GRM7: variants seen among roughly 807,000 people sequenced by gnomAD.
GRM7 encodes metabotropic glutamate receptor 7.
Under a neutral mutation model 84.5 loss-of-function variants are expected in GRM7, and 35 were observed. The ratio of observed to expected loss-of-function variants is 0.41; its 90% CI spans 0.32 to 0.55. The LOEUF (loss-of-function observed/expected upper bound fraction) is 0.55. Among genes scored for constraint, GRM7 ranks in the 20% least tolerant of loss-of-function variants. The pLI, the probability that GRM7 is intolerant of heterozygous loss-of-function variation, is 0.19. For missense variants in GRM7, 1,003 were observed against 1,194.6 expected, an observed-to-expected ratio of 0.84 and a Z score of 2.36; for synonymous variants, 487 against 455.1, an observed-to-expected ratio of 1.07 and a Z score of -0.89.
At chr3:7,403,622 G>GATAGATATAT (rs1288063097) in intron 4 of GRM7, among the ~76,000 whole-genome samples, 1 of 126,952 alleles carries the variant, frequency 7.9e-6, no homozygotes, top group Non-Finnish European at 1.7e-5. Context: ...GAGTAATTCT[G>GATAGATATAT]ATATATATAT....
chr3:7,620,334 CAAATA>C (rs1453209949), intron 8 of GRM7, among the ~76,000 whole-genome samples: 1 of 151,996 alleles, frequency 6.6e-6, no homozygotes, highest in African/African-American at 2.4e-5. Flanking sequence ...TTTTATCTGG[CAAATA>C]AAATAAGAAT....
intron 1 of GRM7, among the ~76,000 whole-genome samples, chr3:6,942,974 G>T (rs544183838): frequency 1.7e-4 from 26 of 152,084 alleles, no homozygotes; most frequent in African/African-American, 5.8e-4. Flanking sequence ...GGTGATGAAT[G>T]ATTTTTATTA....
At chr3:7,308,003 G>T (rs768339282) in intron 4 of GRM7, among the ~76,000 whole-genome samples, 2 of 152,154 alleles carry the variant, frequency 1.3e-5, no homozygotes, top group Non-Finnish European at 2.9e-5. Flanking sequence ...GGTTGGGGAA[G>T]ATATCGTTGG....
intron 8 of GRM7, among the ~76,000 whole-genome samples, chr3:7,640,562 T>A (rs954620160): frequency 4.6e-5 from 7 of 152,218 alleles, no homozygotes; most frequent in African/African-American, 1.7e-4. Context: ...ATTTAAAATC[T>A]GAATGATGCC....
chr3:7,175,193 T>G lies in GRM7; in HGVS notation c.736+28525T>G, dbSNP rs147450584. Among the ~76,000 whole-genome samples, 87 of 152,322 alleles carry G rather than the reference T, an allele frequency of 5.7e-4. 1 individual carries two copies. The East Asian group carries it at 0.014, about 24-fold the overall frequency. On this transcript the variant is annotated intron_variant, in intron 2 of 9. Coordinates refer to ENST00000357716, the MANE Select transcript of GRM7 (RefSeq NM_000844.4). The stretch of plus-strand genomic sequence containing the variant: ...AAGACTTGAATGGAAATGATAACTT[T>G]CCTACATTCTGCTAGAGACAGCTCT...
chr3:6,922,830 C>T (rs1697169827), intron 1 of GRM7, among the ~76,000 whole-genome samples: 1 of 152,062 alleles, frequency 6.6e-6, no homozygotes, highest in South Asian at 2.1e-4. Context: ...ATTTTGACTG[C>T]CATTGGAATG....
At chr3:7,712,740 C>T (rs2125166642) in intron 9 of GRM7, among the ~76,000 whole-genome samples, 1 of 152,152 alleles carries the variant, frequency 6.6e-6, no homozygotes, top group East Asian at 1.9e-4. Context: ...ATGTTACTTT[C>T]CCTGTGTTAC....
At chr3:7,270,170 T>C (rs1698800435) in intron 2 of GRM7, among the ~76,000 whole-genome samples, 1 of 152,222 alleles carries the variant, frequency 6.6e-6, no homozygotes, top group Admixed American at 6.5e-5. Flanking sequence ...ATGCTTTAAA[T>C]CTTAGCATGT....
At chr3:7,739,176 AAAG>A (rs1277544781) in intron 9 of GRM7, among the ~76,000 whole-genome samples, 1 of 152,236 alleles carries the variant, frequency 6.6e-6, no homozygotes. Context: ...TTAATCCAGA[AAAG>A]AAGACCAGGC....
chr3:7,022,955 T>G (rs1695834643), intron 1 of GRM7, among the ~76,000 whole-genome samples: 2 of 152,162 alleles, frequency 1.3e-5, no homozygotes, highest in South Asian at 4.1e-4. Context: ...AGGAAGCTTA[T>G]ATACCCTTTT....
intron 8 of GRM7, among the ~76,000 whole-genome samples, chr3:7,677,563 T>C (rs1354676059): frequency 6.6e-6 from 1 of 152,158 alleles, no homozygotes; most frequent in Non-Finnish European, 1.5e-5. Flanking sequence ...GTAGAAAAAA[T>C]ATGATTAGTG....
chr3:6,883,167 T>G (rs1361799510), intron 1 of GRM7, among the ~76,000 whole-genome samples: 3 of 152,182 alleles, frequency 2.0e-5, no homozygotes, highest in Non-Finnish European at 4.4e-5. Flanking sequence ...AATTGTGAGA[T>G]TAAACTTATT....
chr3:7,696,871 T>A (rs1701039575), intron 9 of GRM7, among the ~76,000 whole-genome samples: 2 of 152,134 alleles, frequency 1.3e-5, no homozygotes, highest in Non-Finnish European at 2.9e-5. Flanking sequence ...TGCTGTCAAT[T>A]TATATATTGG....
At chr3:7,148,620 T>C (rs537584012) in intron 2 of GRM7, among the ~76,000 whole-genome samples, 1 of 152,326 alleles carries the variant, frequency 6.6e-6, no homozygotes, top group Non-Finnish European at 1.5e-5. Context: ...CATGGTTGTT[T>C]ATTCCTGGTG....
At chr3:7,179,721 A>G (rs766207708) in intron 2 of GRM7, among the ~76,000 whole-genome samples, 2 of 152,212 alleles carry the variant, frequency 1.3e-5, no homozygotes, top group Non-Finnish European at 2.9e-5. Context: ...TATATATAGC[A>G]TTGAGTAAGA....
At chr3:7,175,221 G>T (rs1482848719) in intron 2 of GRM7, among the ~76,000 whole-genome samples, 1 of 152,210 alleles carries the variant, frequency 6.6e-6, no homozygotes, top group Non-Finnish European at 1.5e-5. Flanking sequence ...ACAGCTCTCT[G>T]CAATGCAGCC....
intron 8 of GRM7, among the ~76,000 whole-genome samples, chr3:7,659,600 A>G (rs186351526): frequency 6.6e-6 from 1 of 152,346 alleles, no homozygotes; most frequent in Non-Finnish European, 1.5e-5. Context: ...ATCTGTTCAC[A>G]GGTAGCACAC....
At chr3:7,238,861 TTTCTC>T (rs1377896012) in intron 2 of GRM7, among the ~76,000 whole-genome samples, 6 of 150,616 alleles carry the variant, frequency 4.0e-5, no homozygotes, top group African/African-American at 7.3e-5. Context: ...TTTCACTTGT[TTTCTC>T]TTCTCTTCCC....
At chr3:6,970,751 G>A (rs542873384) in intron 1 of GRM7, among the ~76,000 whole-genome samples, 1 of 152,230 alleles carries the variant, frequency 6.6e-6, no homozygotes, top group East Asian at 1.9e-4. Context: ...AGGCCGAGGC[G>A]GGCGGATCAC....
Sources: gnomAD v4.1 joint callset for allele counts (sites outside exome capture counted in the v4.1 genomes callset) on GRCh38, gnomAD v4.1.1 for gene constraint, MANE v1.5 for transcripts, NCBI Gene and HGNC (gene_info 2026-07-23, HGNC 2026-07-21) for gene names.